NDRG2: variants seen among roughly 807,000 people sequenced by gnomAD.
The protein encoded by NDRG2 is NDRG family member 2.
NDRG2 carries 34 observed loss-of-function variants against 58.2 expected under a neutral mutation model. That is an observed-to-expected ratio of 0.58 (90% CI 0.44 to 0.78). The LOEUF is 0.78. NDRG2 is among the 30% of genes least tolerant of loss of function. The probability of loss-of-function intolerance (pLI) is 0.00; values close to 1 mark genes in which losing one functional copy is unlikely to be tolerated. For synonymous variants in NDRG2, 187 were observed against 175.9 expected, an observed-to-expected ratio of 1.06 and a Z score of -0.50; for missense variants, 434 against 471.2, an observed-to-expected ratio of 0.92 and a Z score of 0.73.
At chr14:21,054,584 G>A (rs1885597411) in intron 1 of NDRG2, among the ~76,000 whole-genome samples, 3 of 152,198 alleles carry the variant, frequency 2.0e-5, no homozygotes, top group Admixed American at 2.0e-4. Flanking sequence ...AAGGCTGGCA[G>A]CTTGGGTCTG....
chr14:21,018,560 C>T (rs1042077874), intron 12 of NDRG2, 56 bp from the exon 13 acceptor site: 50 of 1,597,586 alleles, frequency 3.1e-5, no homozygotes, highest in African/African-American at 9.4e-5. Context: ...GCGCCTCCCC[C>T]GTAAGGGACC....
intron 1 of NDRG2, chr14:21,043,360 A>G: frequency 1.2e-6 from 2 of 1,614,186 alleles, no homozygotes; most frequent in Non-Finnish European, 8.5e-7. Flanking sequence ...AGGTACAAAG[A>G]GAAGCGACAG....
intron 1 of NDRG2, among the ~76,000 whole-genome samples, chr14:21,069,380 GC>G (rs1333977160): frequency 6.6e-6 from 1 of 152,192 alleles, no homozygotes; most frequent in East Asian, 1.9e-4. Context: ...GGACTCTATA[GC>G]CACCCCAACA....
intron 13 of NDRG2, 23 bp downstream of exon 13, chr14:21,018,434 G>A (rs774534536): frequency 5.0e-6 from 8 of 1,613,410 alleles, no homozygotes; most frequent in South Asian, 1.1e-5. Flanking sequence ...CTGTGGACGG[G>A]GGCCCAGGAA....
At chr14:21,021,940 A>C in intron 5 of NDRG2, 61 bp from the exon 6 acceptor site, 1 of 1,611,732 alleles carries the variant, frequency 6.2e-7, no homozygotes, top group Non-Finnish European at 8.5e-7. Flanking sequence ...CCACCTCAGG[A>C]TGTCCTACTC....
At position 21,020,061 on chromosome 14, in the gene NDRG2, C is replaced by T. The variant is rs111532136; in HGVS notation, c.556-85G>A. ...CTGTAATCCCAGCACTTTGGGAGGC[C>T]GAGGCGGGTGGATCACGAGGTCAGG... On this transcript the variant is annotated intron_variant, in intron 8 of 15. Coordinates refer to ENST00000556147, the MANE Select transcript of NDRG2 (RefSeq NM_001320329.2). 7,383 of 1,277,002 alleles carry T rather than the reference C, an allele frequency of 5.8e-3. 320 individuals are homozygous for T. In the African/African-American group the frequency reaches 0.093, roughly 16 times the overall value. The allele number at this position is 1,277,002 out of a possible 1,614,324, so 79.1% of individuals were successfully genotyped here.
chr14:21,039,989 G>A (rs1335687512), intron 1 of NDRG2, among the ~76,000 whole-genome samples: 1 of 152,190 alleles, frequency 6.6e-6, no homozygotes. Flanking sequence ...AAATGAGCTT[G>A]CAGCCTTCCA....
At chr14:21,027,459 C>T (rs1203142888), upstream of NDRG2, among the ~76,000 whole-genome samples, 1 of 152,218 alleles carries the variant, frequency 6.6e-6, no homozygotes, top group African/African-American at 2.4e-5. Flanking sequence ...GGTACAAACA[C>T]AGGACAAGTT....
At chr14:21,050,776 C>T (rs567834816) in intron 1 of NDRG2, among the ~76,000 whole-genome samples, 35 of 152,134 alleles carry the variant, frequency 2.3e-4, no homozygotes, top group African/African-American at 6.7e-4. Flanking sequence ...GTTATGCACA[C>T]GAGAGTACTT....
At chr14:21,032,563 G>C in intron 1 of NDRG2, 1 of 346,770 alleles carries the variant, frequency 2.9e-6, no homozygotes, top group Non-Finnish European at 5.6e-6. Flanking sequence ...AGGAGTAGAA[G>C]CCAGCTAAGG....
chr14:21,020,305 A>AAAAAG, intron 8 of NDRG2, 191 bp downstream of exon 8: 1 of 584,232 alleles, frequency 1.7e-6, no homozygotes, highest in Non-Finnish European at 3.0e-6. Flanking sequence ...AAAAAAAAAA[A>AAAAAG]AAAAAGAAAA....
intron 1 of NDRG2, among the ~76,000 whole-genome samples, chr14:21,060,465 G>A (rs535148189): frequency 1.3e-5 from 2 of 152,292 alleles, no homozygotes; most frequent in African/African-American, 4.8e-5. Context: ...ACTTCCTGCG[G>A]CTGCGCCTTA....
chr14:21,025,691 C>T, upstream of NDRG2: 6 of 984,392 alleles, frequency 6.1e-6, no homozygotes, highest in Non-Finnish European at 7.2e-6. This position sits in a 1 kb window ranked among gnomAD's most constrained non-coding sequence, Gnocchi z 5.1. Flanking sequence ...CCTCTCTTTG[C>T]TGCGTCCCGA....
At chr14:21,031,247 G>A (rs2139076620) in intron 1 of NDRG2, 2 of 1,531,116 alleles carry the variant, frequency 1.3e-6, no homozygotes, top group Non-Finnish European at 1.8e-6. Flanking sequence ...CCTGCCAACT[G>A]TGTGACTGTA....
Position 21,018,029 on chromosome 14 carries a change from G to C in NDRG2, c.907C>G (p.Leu303Val). 6.2e-7 allele frequency: 1 copy of C among 1,614,172 alleles called. No homozygotes were observed. The highest frequency in any genetic ancestry group is 1.1e-5 in the South Asian group (1 of 91,082). The change falls in exon 15 of 16, where the codon CTG becomes GTG. Residue 303 changes from leucine (L) to valine (V), a missense_variant. Transcript: ENST00000556147. ...GQPQLTQPGK[L>V]TEAFKYFLQG... ...AGGAAGTACTTGAAGGCCTCGGTCA[G>C]CTTGCCTGGCTGCGGAAGTAAGAAG... is the stretch of plus-strand genomic sequence containing the variant.
intron 1 of NDRG2, chr14:21,032,305 AT>A: frequency 1.6e-6 from 1 of 632,368 alleles, no homozygotes; most frequent in Non-Finnish European, 2.9e-6. Flanking sequence ...ATCAGTTAGC[AT>A]TCCTCCTCAA....
In NDRG2 at chr14:21,056,986, G is replaced by A. The variant is rs1015680347; in HGVS notation, c.24+13842C>T. On this transcript the variant is annotated intron_variant, in intron 1 of 14. Transcript: ENST00000403829. ...AGCTGGAGCTGCGATCCCTTCACTA[G>A]GAGTGATCATTTTTTCTAACTTCAG... 5.7e-4 allele frequency among the ~76,000 whole-genome samples: 87 copies of A among 152,144 alleles called. 1 individual carries two copies. Among genetic ancestry groups the A allele is most frequent in the Admixed American group, 5.6e-3 (85 of 15,278 alleles).
chr14:21,058,298 C>G, intron 1 of NDRG2: 1 of 1,614,064 alleles, frequency 6.2e-7, no homozygotes, highest in Non-Finnish European at 8.5e-7. Flanking sequence ...CTGTGACCCT[C>G]CACAACAGGG....
Position 21,024,701 on chromosome 14 carries a change from A to C in NDRG2, c.-678T>G. 1.0e-6 allele frequency: 1 copy of C among 985,356 alleles called. No homozygotes were observed. The allele number at this position is 985,356 out of a possible 1,614,324, so 61.0% of individuals were successfully genotyped here. On this transcript the variant is annotated 5_prime_UTR_variant, in exon 1 of 16. Transcript: ENST00000556147. ...CCCGCGAAGGCAAGCGCCATCGGGA[A>C]GGGATGGGTAGGACAGAGGAGACCG...
Sources: allele counts gnomAD v4.1 joint callset (sites outside exome capture counted in the v4.1 genomes callset), GRCh38; gene constraint gnomAD v4.1.1; non-coding constraint Gnocchi (gnomAD v3.1); transcripts MANE v1.5; gene names NCBI Gene and HGNC (gene_info 2026-07-23, HGNC 2026-07-21).